Variants in CELSR3 observed in about 807,000 individuals in gnomAD.
CELSR3 encodes cadherin EGF LAG seven-pass G-type receptor 3, also known as EGF-like protein 1.
In CELSR3, 73 loss-of-function variants were observed where a neutral mutation model predicts 270.0. The ratio of observed to expected loss-of-function variants is 0.27; its 90% confidence interval spans 0.22 to 0.33. The LOEUF is 0.33. Among genes scored for constraint, CELSR3 ranks in the 10% least tolerant of loss-of-function variants. The probability of loss-of-function intolerance (pLI) is 1.00; values close to 1 mark genes in which losing one functional copy is unlikely to be tolerated. For missense variants in CELSR3, 3,614 were observed against 4,533.8 expected, an observed-to-expected ratio of 0.80 and a Z score of 5.83; for synonymous variants, 1,780 against 1,905.4, an observed-to-expected ratio of 0.93 and a Z score of 1.71.
At position 48,662,617 on chromosome 3, in the gene CELSR3, C is replaced by G; in HGVS notation, c.18G>C (p.Pro6=). The change falls in exon 1 of 35, where the codon CCG becomes CCC. Residue 6 remains proline, a synonymous_variant. Coordinates refer to ENST00000164024, the MANE Select transcript of CELSR3 (RefSeq NM_001407.3). This position sits in a 1 kb window ranked among gnomAD's most constrained non-coding sequence, Gnocchi z 7.1. ...ACCGTCCCCCGAGGCCCCGCCACGG[C>G]GGCCGCCTCGCCATCATCCCCCGCC... MMARR[P]PWRGLGGRST... is the part of the protein sequence containing the mutation. The G allele has an allele frequency of 3.5e-6, 5 of 1,427,266 alleles. No homozygotes were observed. The highest frequency in any genetic ancestry group is 1.4e-5 in the African/African-American group (1 of 69,410). 88.4% of individuals were successfully genotyped at this position (1,427,266 alleles called of 1,614,324 possible).
In CELSR3 at chr3:48,648,713, C is replaced by A; in HGVS notation, c.6777+6G>T. ...AAGGCACTGAGAACATAGGGCACAG[C>A]CCCACCTCATTGAAGTGGGCATCCT... On this transcript the variant is annotated splice_donor_region_variant and intron_variant, in intron 18 of 34. Transcript: ENST00000164024. 1 of 1,608,514 alleles carries A rather than the reference C, an allele frequency of 6.2e-7. No homozygotes were observed. Among genetic ancestry groups the A allele is most frequent in the Non-Finnish European group, 8.5e-7 (1 of 1,179,438 alleles).
In CELSR3 at chr3:48,647,982, G is replaced by A. The variant is rs574950617; in HGVS notation, c.6988C>T (p.Arg2330Cys). 1.8e-5 allele frequency: 29 copies of A among 1,612,002 alleles called. No homozygotes were observed. Among genetic ancestry groups the A allele is most frequent in the Admixed American group, 5.0e-5 (3 of 59,988 alleles). ...CGGGGAGAACTGGGGTGCTCCATGC[G>A]GTCAATGCTGAGCACTACCCAGGAG... ...VTPNIMLSID[R>C]MEHPSSPRGA... The change falls in exon 20 of 35, where the codon CGC becomes TGC. Residue 2330 changes from arginine to cysteine, a missense_variant. Physicochemically the swap from Arg to Cys is radical, Grantham distance 180. Around this residue, in one of 7 missense-constraint regions of CELSR3, gnomAD observed 1,240 missense variants for 1,351.7 expected, o/e 0.92. Coordinates refer to ENST00000164024, the MANE Select transcript of CELSR3 (RefSeq NM_001407.3).
Position 48,650,217 on chromosome 3 carries a change from T to C in CELSR3, c.6472+263A>G. The stretch of plus-strand genomic sequence containing the variant: ...GGGACCTCAGGCAGCAGGAGGGGTC[T>C]GCAAAAGCTCTGGTAGTGGGAGGGG... On this transcript the variant is annotated intron_variant, in intron 16 of 34. Coordinates refer to ENST00000164024, the MANE Select transcript of CELSR3 (RefSeq NM_001407.3). The surrounding 1 kb of genome is among the most constrained non-coding windows in gnomAD (Gnocchi z 5.1). 1 of 593,956 alleles carries C rather than the reference T, an allele frequency of 1.7e-6. No individual in the cohort carries two copies. Among genetic ancestry groups the C allele is most frequent in the Non-Finnish European group, 3.2e-6 (1 of 315,492 alleles). 36.8% of individuals were successfully genotyped at this position (593,956 alleles called of 1,614,324 possible). A position where few individuals can be genotyped will look rare whatever the true frequency, so the allele number is the denominator to read the frequency against.
chr3:48,653,040 G>A lies in CELSR3; in HGVS notation c.5596C>T (p.His1866Tyr), dbSNP rs757530369. The A allele has an allele frequency of 6.8e-6, 11 of 1,613,088 alleles. No homozygotes were observed. The highest frequency in any genetic ancestry group is 3.3e-4 in the Middle Eastern group (2 of 6,080). Residue 1866 changes from histidine (H) to tyrosine (Y), a missense_variant, in exon 10 of 35, where the codon CAT becomes TAT. Physicochemically the swap from His to Tyr is moderately conservative, Grantham distance 83. Coordinates refer to ENST00000164024, the MANE Select transcript of CELSR3 (RefSeq NM_001407.3). This position sits in a 1 kb window ranked among gnomAD's most constrained non-coding sequence, Gnocchi z 6.5. ...QEEPGGRRGHHVLMVSLDFSL... is the reference protein window; with the variant it reads ...QEEPGGRRGHYVLMVSLDFSL... ...AAGTCCAGTGAGACCATAAGGACAT[G>A]GTGGCCCCGCCGGCCACCTGGTTCC...
chr3:48,661,908 G>C lies in CELSR3; in HGVS notation c.727C>G (p.Pro243Ala). ...GTGCGTGGTGCTGAATCCAGCTCGG[G>C]GCCAGATCCCGAGGCCCCTGGAAGA... ...NCLPGASGSG[P>A]ELDSAPRTAR... is the part of the protein sequence containing the mutation. Residue 243 changes from proline (P) to alanine (A), a missense_variant, in exon 1 of 35, where the codon CCC becomes GCC. Physicochemically the swap from Pro to Ala is conservative, Grantham distance 27. Coordinates refer to ENST00000164024, the MANE Select transcript of CELSR3 (RefSeq NM_001407.3). 6.2e-7 allele frequency: 1 copy of C among 1,612,500 alleles called. No homozygotes were observed. The highest frequency in any genetic ancestry group is 8.5e-7 in the Non-Finnish European group (1 of 1,179,928).
chr3:48,639,700 G>A lies in CELSR3; in HGVS notation c.9885C>T (p.Ser3295=). 1.9e-6 allele frequency: 3 copies of A among 1,613,626 alleles called. No individual in the cohort carries two copies. The highest frequency in any genetic ancestry group is 1.7e-4 in the Middle Eastern group (1 of 6,060). The change falls in exon 34 of 35, where the codon AGC becomes AGT. Residue 3295 remains serine, a synonymous_variant. Transcript: ENST00000164024. This position sits in a 1 kb window ranked among gnomAD's most constrained non-coding sequence, Gnocchi z 4.1. Reference sequence around the variant, plus strand: ...CTGAGTCTGGCGACAGCTCCGAGATGCTGTGAGACGTGGCAGAACGTGGCG... The same window carrying A: ...CTGAGTCTGGCGACAGCTCCGAGATACTGTGAGACGTGGCAGAACGTGGCG... ...PSTPRSATSH[S]ISELSPDSEV...
chr3:48,657,335 G>C lies in CELSR3; in HGVS notation c.3762C>G (p.Ser1254Arg). ...MLVTVTDGLH[S>R]VTAQCVLRVV... ...CGCGCAGCACACACTGCGCCGTCAC[G>C]CTGTGCAGGCCATCTGCAGGCGGGG... The change falls in exon 2 of 35, where the codon AGC becomes AGG. Residue 1254 changes from serine (S) to arginine (R), a missense_variant. This residue lies in a region of CELSR3 where 1,331 missense variants were observed against 1,933.7 expected (regional missense o/e 0.69). Coordinates refer to ENST00000164024, the MANE Select transcript of CELSR3 (RefSeq NM_001407.3). This position sits in a 1 kb window ranked among gnomAD's most constrained non-coding sequence, Gnocchi z 5.4. 6.3e-7 allele frequency: 1 copy of C among 1,599,890 alleles called. No individual in the cohort carries two copies. The highest frequency in any genetic ancestry group is 1.1e-5 in the South Asian group (1 of 89,372).
At chr3:48,643,473 G>T in intron 28 of CELSR3, 81 bp downstream of exon 28, 1 of 1,492,070 alleles carries the variant, frequency 6.7e-7, no homozygotes, top group South Asian at 1.3e-5. Context: ...TCCAGGCCTA[G>T]GGTCAACGTC....
In CELSR3 at chr3:48,653,722, G is replaced by A. The variant is rs1411499206; in HGVS notation, c.5345C>T (p.Ala1782Val). 1.2e-6 allele frequency: 2 copies of A among 1,614,084 alleles called. No individual in the cohort carries two copies. The highest frequency in any genetic ancestry group is 1.7e-6 in the Non-Finnish European group (2 of 1,180,048). Residue 1782 changes from alanine to valine, a missense_variant, in exon 9 of 35, where the codon GCT (alanine) becomes GTT (valine). Transcript: ENST00000164024. This position sits in a 1 kb window ranked among gnomAD's most constrained non-coding sequence, Gnocchi z 6.5. ...TLSWNFGSDM[A>V]VSVPWYLGLA... ...CCCCAGGTACCATGGCACAGACACA[G>A]CCATGTCACTTCCAAAGTTCCAGCT...
In CELSR3 at chr3:48,662,497, T is replaced by G. The variant is rs766014752; in HGVS notation, c.138A>C (p.Leu46Phe). ...GCGCCCTTGGCCCCGTAGTGGCAGC[T>G]AAGCCTGGGTCCCAGCCCTGGTGCC... ...GGGHQGWDPG[L>F]AATTGPRAHI... Residue 46 changes from leucine to phenylalanine, a missense_variant, in exon 1 of 35, where the codon TTA becomes TTC. By Grantham distance (22) the Leu-to-Phe change is conservative. Transcript: ENST00000164024. This position sits in a 1 kb window ranked among gnomAD's most constrained non-coding sequence, Gnocchi z 7.1. 1 of 1,612,486 alleles carries G rather than the reference T, an allele frequency of 6.2e-7. No individual in the cohort carries two copies. The highest frequency in any genetic ancestry group is 1.7e-5 in the Admixed American group (1 of 59,956).
Position 48,650,432 on chromosome 3 carries a change from C to CTGGGG in CELSR3, c.6472+47_6472+48insCCCCA. The CTGGGG allele has an allele frequency of 8.3e-7, 1 of 1,208,944 alleles. No individual in the cohort carries two copies. The highest frequency in any genetic ancestry group is 1.2e-6 in the Non-Finnish European group (1 of 844,584). 74.9% of individuals were successfully genotyped at this position (1,208,944 alleles called of 1,614,324 possible). On this transcript the variant is annotated intron_variant, in intron 16 of 34. Transcript: ENST00000164024. The surrounding 1 kb of genome is among the most constrained non-coding windows in gnomAD (Gnocchi z 5.1). ...AGACATGGCTCTAGCAGTCAGAGTA[C>CTGGGG]AGGCCCACCCCCACCCTCAGTGATG...
In CELSR3 at chr3:48,661,585, C is replaced by T. The variant is rs1391433207; in HGVS notation, c.1050G>A (p.Gln350=). The T allele has an allele frequency of 6.2e-7, 1 of 1,609,894 alleles. No individual in the cohort carries two copies. Among genetic ancestry groups the T allele is most frequent in the African/African-American group, 1.3e-5 (1 of 74,854 alleles). Residue 350 remains glutamine (Q), a synonymous_variant, in exon 1 of 35, where the codon CAG becomes CAA. Coordinates refer to ENST00000164024, the MANE Select transcript of CELSR3 (RefSeq NM_001407.3). ...GCCCGGCCTCGCCGGCGTCCGGGTC[C>T]TGAGCAACCACGCGTAGCACCGCGG... ...AGTAVLRVVA[Q]DPDAGEAGRL... is the part of the protein sequence containing the mutation.
rs375882649 is a variant in CELSR3, at chr3:48,651,046, G to A, written c.6216C>T (p.Asp2072=). The part of the protein sequence containing the change: ...KEFHYRPRGS[D]SCLPCDCYPV... ...GGTAGCAGTCACATGGGAGGCAAGA[G>A]TCACTGCCCCGCGGTCGGTAGTGGA... The change falls in exon 15 of 35, where the codon GAC becomes GAT. Residue 2072 remains aspartate, a synonymous_variant. Transcript: ENST00000164024. The surrounding 1 kb of genome is among the most constrained non-coding windows in gnomAD (Gnocchi z 7.4). 3.8e-6 allele frequency: 6 copies of A among 1,584,768 alleles called. No homozygotes were observed. Among genetic ancestry groups the A allele is most frequent in the Non-Finnish European group, 5.2e-6 (6 of 1,165,038 alleles).
chr3:48,651,220 A>G lies in CELSR3; in HGVS notation c.6186+139T>C, dbSNP rs1233722212. The stretch of plus-strand genomic sequence containing the variant: ...TGAAGCCAAGGGAGGGGTCACGGGT[A>G]AAGGATGAGAGACAGCAACTTGGTC... On this transcript the variant is annotated intron_variant, in intron 14 of 34. Transcript: ENST00000164024. The surrounding 1 kb of genome is among the most constrained non-coding windows in gnomAD (Gnocchi z 7.4). 24 of 1,478,352 alleles carry G rather than the reference A, an allele frequency of 1.6e-5. No individual in the cohort carries two copies. Among genetic ancestry groups the G allele is most frequent in the Non-Finnish European group, 2.0e-5 (22 of 1,078,600 alleles). The allele number at this position is 1,478,352 out of a possible 1,614,324, so 91.6% of individuals were successfully genotyped here.
At position 48,662,463 on chromosome 3, in the gene CELSR3, C is replaced by T; in HGVS notation, c.172G>A (p.Gly58Ser). The part of the protein sequence containing the change: ...ATTGPRAHIG[G>S]GALALCPESS... Reference sequence around the variant, plus strand: ...TCCGGACAAAGAGCTAAGGCTCCGCCACCGATATGCGCCCTTGGCCCCGTA... The same window carrying T: ...TCCGGACAAAGAGCTAAGGCTCCGCTACCGATATGCGCCCTTGGCCCCGTA... The change falls in exon 1 of 35, where the codon GGC becomes AGC. Residue 58 changes from glycine to serine, a missense_variant. Physicochemically the swap from Gly to Ser is moderately conservative, Grantham distance 56. This residue lies in a region of CELSR3 where 470 missense variants were observed against 469.7 expected (regional missense o/e 1.00). Coordinates refer to ENST00000164024, the MANE Select transcript of CELSR3 (RefSeq NM_001407.3). The surrounding 1 kb of genome is among the most constrained non-coding windows in gnomAD (Gnocchi z 7.1). 6.2e-7 allele frequency: 1 copy of T among 1,612,826 alleles called. No individual in the cohort carries two copies.
chr3:48,655,004 G>C lies in CELSR3; in HGVS notation c.4988+40C>G. 2 of 1,599,646 alleles carry C rather than the reference G, an allele frequency of 1.3e-6. No homozygotes were observed. Among genetic ancestry groups the C allele is most frequent in the Non-Finnish European group, 1.7e-6 (2 of 1,167,210 alleles). On this transcript the variant is annotated intron_variant, in intron 6 of 34. Coordinates refer to ENST00000164024, the MANE Select transcript of CELSR3 (RefSeq NM_001407.3). This position sits in a 1 kb window ranked among gnomAD's most constrained non-coding sequence, Gnocchi z 5.8. ...ATGTGAAGGGTTGGAGTGGGCTTTG[G>C]TAGGCAGGGGACAAGGGGACTAGGG... is the stretch of plus-strand genomic sequence containing the variant.
intron 16 of CELSR3, among the ~76,000 whole-genome samples, chr3:48,649,872 C>T (rs768348908): frequency 6.6e-6 from 1 of 152,106 alleles, no homozygotes; most frequent in African/African-American, 2.4e-5. Flanking sequence ...CGTGAGCATG[C>T]GTACACAAAC....
rs763195141 is a variant in CELSR3 at position 48,653,225 on chromosome 3, C to T, written c.5449-38G>A. 8.2e-6 allele frequency: 13 copies of T among 1,593,924 alleles called. No homozygotes were observed. The Admixed American group carries it at 1.4e-4, about 17-fold the overall frequency. ...ATGCATAGCCCTGGGGTTAGAGCCC[C>T]ATGTGGGCTGGGACTTGGAGGTGAG... On this transcript the variant is annotated intron_variant, in intron 9 of 34. Transcript: ENST00000164024. This position sits in a 1 kb window ranked among gnomAD's most constrained non-coding sequence, Gnocchi z 6.5.
chr3:48,656,015 C>G (rs2047177609), intron 3 of CELSR3, 125 bp downstream of exon 3: 1 of 1,125,458 alleles, frequency 8.9e-7, no homozygotes, highest in African/African-American at 1.7e-5. Context: ...CAGGAGACCC[C>G]GGGCGGGGCG....
Sources: gnomAD v4.1 joint callset for allele counts (sites outside exome capture counted in the v4.1 genomes callset) on GRCh38, gnomAD v4.1.1 for gene constraint, gnomAD v4.1.1 regional missense constraint, Gnocchi (gnomAD v3.1) non-coding constraint, MANE v1.5 for transcripts, NCBI Gene and HGNC (gene_info 2026-07-23, HGNC 2026-07-21) for gene names.